CCDC30: variants seen among roughly 807,000 people sequenced by gnomAD.
CCDC30 encodes coiled-coil domain-containing protein 30.
A neutral mutation model predicts 100.2 loss-of-function variants in CCDC30; 70 were observed. That is an observed-to-expected ratio of 0.70 (90% CI 0.58 to 0.85). CCDC30 has a LOEUF of 0.85. CCDC30 is among the 40% of genes least tolerant of loss of function. The pLI is 0.00. For synonymous variants in CCDC30, 233 were observed against 269.5 expected (o/e 0.86, Z 1.33); for missense variants, 652 against 771.2 (o/e 0.85, Z 1.83).
At chr1:42,589,217 T>C (rs1244383566) in intron 9 of CCDC30, 104 bp from the exon 14 acceptor site, 11 of 850,524 alleles carry the variant, frequency 1.3e-5, no homozygotes, top group Non-Finnish European at 1.6e-5. Flanking sequence ...CCCTACTTCA[T>C]TGAACCAAAA....
chr1:42,522,440 TTTTATG>T (rs545890543), intron 6 of CCDC30, among the ~76,000 whole-genome samples: 242 of 152,362 alleles, frequency 1.6e-3, no homozygotes, highest in Non-Finnish European at 2.9e-3. Context: ...TGCATTACCC[TTTTATG>T]TTTAGTTGAC....
At chr1:42,635,022 A>G (rs1049162386) in intron 11 of CCDC30, among the ~76,000 whole-genome samples, 1 of 152,042 alleles carries the variant, frequency 6.6e-6, no homozygotes, top group Non-Finnish European at 1.5e-5. Flanking sequence ...CTTTCTTTTT[A>G]TAACATTGTA....
intron 11 of CCDC30, among the ~76,000 whole-genome samples, chr1:42,623,409 G>A (rs908188910): frequency 6.6e-6 from 1 of 152,094 alleles, no homozygotes; most frequent in Non-Finnish European, 1.5e-5. Context: ...TTTGATTTTT[G>A]TATACAGTGA....
chr1:42,547,940 G>A (rs1645177430), intron 6 of CCDC30, among the ~76,000 whole-genome samples: 1 of 152,176 alleles, frequency 6.6e-6, no homozygotes, highest in African/African-American at 2.4e-5. Flanking sequence ...ACAAAGCATG[G>A]GCTCTGGCCC....
chr1:42,524,130 G>A (rs1400232187), intron 6 of CCDC30, among the ~76,000 whole-genome samples: 4 of 150,806 alleles, frequency 2.7e-5, no homozygotes, highest in Admixed American at 2.0e-4. Context: ...TTTTAAATGG[G>A]CCACACCTTC....
chr1:42,462,774 T>C (rs1643445281), upstream of CCDC30, among the ~76,000 whole-genome samples: 1 of 151,892 alleles, frequency 6.6e-6, no homozygotes, highest in African/African-American at 2.4e-5. Flanking sequence ...TTAGGACTTC[T>C]AAAGGGCTTC....
chr1:42,459,782 G>A, upstream of CCDC30: 2 of 1,614,192 alleles, frequency 1.2e-6, no homozygotes, highest in Non-Finnish European at 1.7e-6. Flanking sequence ...AGTCACGACA[G>A]TCCTTTGTGT....
intron 10 of CCDC30, among the ~76,000 whole-genome samples, chr1:42,600,272 A>G (rs955251714): frequency 2.0e-5 from 3 of 152,184 alleles, no homozygotes; most frequent in Non-Finnish European, 4.4e-5. Flanking sequence ...GTATGTGCCT[A>G]AAAAAAGAAT....
chr1:42,579,529 G>T (rs955485560), intron 8 of CCDC30, among the ~76,000 whole-genome samples: 2 of 151,958 alleles, frequency 1.3e-5, no homozygotes, highest in Admixed American at 6.5e-5. Flanking sequence ...AGCTACTCAG[G>T]AGACTGAGGC....
chr1:42,569,219 G>A (rs1645678272), intron 7 of CCDC30: 2 of 152,198 alleles, frequency 1.3e-5, no homozygotes, highest in East Asian at 3.9e-4. Flanking sequence ...GAAAATTTTT[G>A]CAATCTGTCC....
At position 42,577,990 on chromosome 1, in the gene CCDC30, TATC is replaced by T. The variant is rs552549201; in HGVS notation, c.846+764_846+766del. Among the ~76,000 whole-genome samples the T allele has an allele frequency of 5.8e-4, 88 of 152,250 alleles. No homozygotes were observed. The South Asian group carries it at 0.01, about 18-fold the overall frequency. On this transcript the variant is annotated intron_variant, in intron 8 of 16. Coordinates refer to ENST00000668663, the Ensembl canonical transcript of CCDC30. ...TGTATAGTGATCAGATCAGGGTAAT[TATC>T]ATATTCATCACATCAAACATATTTT...
At chr1:42,529,134 G>A (rs954230734) in intron 6 of CCDC30, among the ~76,000 whole-genome samples, 14 of 152,114 alleles carry the variant, frequency 9.2e-5, no homozygotes, top group Non-Finnish European at 1.3e-4. Context: ...AATGAACACT[G>A]TAAATATTTC....
chr1:42,485,224 T>C (rs1193350807), intron 3 of CCDC30, among the ~76,000 whole-genome samples: 2 of 152,152 alleles, frequency 1.3e-5, no homozygotes, highest in African/African-American at 2.4e-5. Context: ...ACTGTAAAAC[T>C]GTTAGAAGAA....
chr1:42,535,864 A>G (rs1184367232), intron 6 of CCDC30, among the ~76,000 whole-genome samples: 2 of 148,066 alleles, frequency 1.4e-5, no homozygotes, highest in African/African-American at 2.5e-5. Flanking sequence ...GTTTTTTTAC[A>G]TAACAGAAAA....
intron 3 of CCDC30, among the ~76,000 whole-genome samples, chr1:42,483,341 G>C (rs1395977412): frequency 6.6e-6 from 1 of 152,150 alleles, no homozygotes; most frequent in Non-Finnish European, 1.5e-5. Context: ...GAATATTGCT[G>C]CTATAAACAT....
intron 6 of CCDC30, 149 bp downstream of exon 6, chr1:42,499,065 G>A (rs895183459): frequency 1.2e-5 from 5 of 406,574 alleles, no homozygotes; most frequent in African/African-American, 8.2e-5. Flanking sequence ...GAGTGGAAGA[G>A]GAAAGAGGGC....
At chr1:42,604,350 A>G (rs1351599921) in intron 10 of CCDC30, among the ~76,000 whole-genome samples, 1 of 152,248 alleles carries the variant, frequency 6.6e-6, no homozygotes, top group African/African-American at 2.4e-5. Flanking sequence ...CAGAATCTAA[A>G]GAGGCAACTC....
intron 11 of CCDC30, among the ~76,000 whole-genome samples, chr1:42,611,639 A>AT (rs67721907): frequency 2.0e-5 from 3 of 151,350 alleles, no homozygotes; most frequent in South Asian, 2.1e-4. Context: ...TAGGCAGTTA[A>AT]TTTTTTTTTC....
chr1:42,616,997 G>T (rs182472095), intron 11 of CCDC30, among the ~76,000 whole-genome samples: 6 of 152,330 alleles, frequency 3.9e-5, no homozygotes, highest in African/African-American at 1.2e-4. Flanking sequence ...ACTGTAATAA[G>T]TGAAAAGAGC....
Sources: gnomAD v4.1 joint callset for allele counts (sites outside exome capture counted in the v4.1 genomes callset) on GRCh38, gnomAD v4.1.1 for gene constraint, MANE v1.5 for transcripts, NCBI Gene and HGNC (gene_info 2026-07-23, HGNC 2026-07-21) for gene names.